The following OC90 variants were observed in gnomAD, a reference collection of about 807,000 sequenced individuals.
OC90 encodes otoconin-90.
In OC90, 46 loss-of-function variants were observed where a neutral mutation model predicts 47.3. The observed-to-expected ratio is 0.97, with a 90% CI of 0.77 to 1.24. The LOEUF (loss-of-function observed/expected upper bound fraction) is 1.24. OC90 is among the 50% of genes most tolerant of loss of function. The pLI is 0.00. For synonymous variants in OC90, 271 were observed against 219.5 expected (o/e 1.23, Z -2.07); for missense variants, 688 against 583.9 (o/e 1.18, Z -1.84).
In OC90 at chr8:132,044,497, TA is replaced by T; in HGVS notation, c.113-9del. The T allele has an allele frequency of 1.3e-6, 2 of 1,510,448 alleles. No individual in the cohort carries two copies. Among genetic ancestry groups the T allele is most frequent in the Non-Finnish European group, 1.8e-6 (2 of 1,103,924 alleles). The allele number at this position is 1,510,448 out of a possible 1,614,324, so 93.6% of individuals were successfully genotyped here. ...CACTGAAGAAAGTGATATCTAAGTG[TA>T]AGAAAGAAAACAAATGAGAGTCTTG... On this transcript the variant is annotated splice_polypyrimidine_tract_variant and intron_variant, in intron 3 of 13. Coordinates refer to ENST00000254627, the MANE Select transcript of OC90 (RefSeq NM_001080399.3).
At position 132,032,393 on chromosome 8, in the gene OC90, C is replaced by A. The variant is rs1221059179; in HGVS notation, c.860-341G>T. On this transcript the variant is annotated intron_variant, in intron 11 of 13. Coordinates refer to ENST00000254627, the MANE Select transcript of OC90 (RefSeq NM_001080399.3). ...GTAGACCTGGCATCCTGGGAGCATC[C>A]CAGCTGAACTCTCATGGTTTCTGGT... Among the ~76,000 whole-genome samples, 4 of 152,076 alleles carry A rather than the reference C, an allele frequency of 2.6e-5. No homozygotes were observed. The South Asian group carries it at 6.2e-4, about 24-fold the overall frequency.
Position 132,045,848 on chromosome 8 carries a change from C to G in OC90, c.82G>C (p.Glu28Gln), listed in dbSNP as rs1194019484. ...TTGTTTGGGAGTCCTGGAGGCAGCT[C>G]CTGTGGAAGATGTGGAGTGTCCAGA... ...HPLDTPHLPQELPPGLPNNIN... is the reference protein window; with the variant it reads ...HPLDTPHLPQQLPPGLPNNIN... Residue 28 changes from glutamate to glutamine, a missense_variant, in exon 3 of 14, where the codon GAG (glutamate) becomes CAG (glutamine). Transcript: ENST00000254627. 4 of 1,547,074 alleles carry G rather than the reference C, an allele frequency of 2.6e-6. No homozygotes were observed. The highest frequency in any genetic ancestry group is 3.5e-6 in the Non-Finnish European group (4 of 1,142,912).
chr8:132,054,676 A>G (rs554290700), intron 2 of OC90, among the ~76,000 whole-genome samples: 8 of 152,374 alleles, frequency 5.3e-5, no homozygotes, highest in African/African-American at 1.4e-4. Flanking sequence ...TTTGAAAGGT[A>G]GGTGTTAACA....
rs1823012107 is a variant in OC90 at position 132,039,026 on chromosome 8, C to T, written c.555G>A (p.Leu185=). 1 of 1,613,786 alleles carries T rather than the reference C, an allele frequency of 6.2e-7. No homozygotes were observed. Among genetic ancestry groups the T allele is most frequent in the Non-Finnish European group, 8.5e-7 (1 of 1,179,872 alleles). Residue 185 remains leucine, a synonymous_variant, in exon 7 of 14, where the codon CTG becomes CTA. Coordinates refer to ENST00000254627, the MANE Select transcript of OC90 (RefSeq NM_001080399.3). Reference sequence around the variant, plus strand: ...TCTGAGCCAGGCAGAAGGAGGTGTCCAGAAGGTTCAGGGAAGAGTTGAGGC... The same window carrying T: ...TCTGAGCCAGGCAGAAGGAGGTGTCTAGAAGGTTCAGGGAAGAGTTGAGGC... ...RSSLNSSLNL[L]DTSFCLAQTP...
At chr8:132,049,952 A>G in intron 2 of OC90, 1 of 461,342 alleles carries the variant, frequency 2.2e-6, no homozygotes, top group Admixed American at 2.0e-5. Context: ...TTTCTGTTGC[A>G]CCATCTCACC....
chr8:132,028,986 C>A, intron 13 of OC90, 87 bp downstream of exon 13: 3 of 892,286 alleles, frequency 3.4e-6, no homozygotes, highest in South Asian at 1.3e-5. Context: ...CAGTTAAGTG[C>A]TTGGGAAACC....
In OC90 at chr8:132,024,578, C is replaced by T. The variant is rs61753627; in HGVS notation, c.1337G>A (p.Ser446Asn). Reference protein sequence around the residue: ...PTLGSSSEEDSEEDPPQEDLG... With the variant: ...PTLGSSSEEDNEEDPPQEDLG... ...GTCCTCCTGTGGAGGGTCCTCCTCG[C>T]TGTCCTCCTCAGAGCTGGAGCCCAG... The change falls in exon 14 of 14, where the codon AGC becomes AAC. Residue 446 changes from serine (S) to asparagine (N), a missense_variant. Transcript: ENST00000254627. 1.9e-6 allele frequency: 3 copies of T among 1,613,270 alleles called. No homozygotes were observed. Among genetic ancestry groups the T allele is most frequent in the Non-Finnish European group, 2.5e-6 (3 of 1,179,582 alleles).
chr8:132,051,709 G>A (rs963727217), intron 2 of OC90, among the ~76,000 whole-genome samples: 11 of 152,140 alleles, frequency 7.2e-5, no homozygotes, highest in Admixed American at 7.2e-4. Context: ...ACTTAAGACC[G>A]AGGACTGTAG....
chr8:132,026,823 A>G (rs1427826849), intron 13 of OC90, among the ~76,000 whole-genome samples: 1 of 152,124 alleles, frequency 6.6e-6, no homozygotes, highest in African/African-American at 2.4e-5. Context: ...ATAGGAAAAA[A>G]TGGAAATGCT....
intron 8 of OC90, 72 bp from the exon 9 acceptor site, chr8:132,037,560 G>A: frequency 7.2e-7 from 1 of 1,386,692 alleles, no homozygotes; most frequent in East Asian, 2.5e-5. Context: ...GGGTCTCAAA[G>A]GAAAACAGGC....
chr8:132,037,572 G>C, intron 8 of OC90, 84 bp from the exon 9 acceptor site: 1 of 1,214,486 alleles, frequency 8.2e-7, no homozygotes, highest in Admixed American at 2.0e-5. Flanking sequence ...AAAACAGGCT[G>C]GTTGCTGGCC....
At chr8:132,035,889 T>C (rs1822951965) in intron 9 of OC90, among the ~76,000 whole-genome samples, 1 of 152,202 alleles carries the variant, frequency 6.6e-6, no homozygotes, top group Non-Finnish European at 1.5e-5. Flanking sequence ...GGGAATGATA[T>C]GCTGGCACAT....
intron 2 of OC90, among the ~76,000 whole-genome samples, chr8:132,046,210 A>C (rs1823131187): frequency 6.6e-6 from 1 of 152,096 alleles, no homozygotes; most frequent in Non-Finnish European, 1.5e-5. Flanking sequence ...TTTGTTTTGG[A>C]CTTTCTTGAC....
chr8:132,050,454 AGATC>A (rs1823196836), intron 2 of OC90, among the ~76,000 whole-genome samples: 3 of 152,152 alleles, frequency 2.0e-5, no homozygotes, highest in South Asian at 2.1e-4. Flanking sequence ...CCTCTAAGTA[AGATC>A]CCAGGGATGT....
intron 13 of OC90, among the ~76,000 whole-genome samples, chr8:132,026,123 T>C (rs1822754151): frequency 6.6e-6 from 1 of 152,362 alleles, no homozygotes; most frequent in African/African-American, 2.4e-5. Context: ...CTGGGCATCA[T>C]GTATTTTTAT....
At chr8:132,032,890 C>A (rs916536921) in intron 11 of OC90, 149 bp downstream of exon 11, 6 of 895,846 alleles carry the variant, frequency 6.7e-6, no homozygotes, top group Non-Finnish European at 8.2e-6. Context: ...TCCTCTGAGC[C>A]TCAAGGTGCT....
chr8:132,041,534 T>A lies in OC90; in HGVS notation c.335A>T (p.Glu112Val). The A allele has an allele frequency of 6.2e-7, 1 of 1,611,032 alleles. No individual in the cohort carries two copies. The highest frequency in any genetic ancestry group is 8.5e-7 in the Non-Finnish European group (1 of 1,178,622). Residue 112 changes from glutamate to valine, a missense_variant, in exon 5 of 14, where the codon GAA becomes GTA. Coordinates refer to ENST00000254627, the MANE Select transcript of OC90 (RefSeq NM_001080399.3). Reference sequence around the variant, plus strand: ...TGTGGAACTCACTTACCTGTCAGATTCATCCACAGGCAACCCTTCCATCTC... The same window carrying A: ...TGTGGAACTCACTTACCTGTCAGATACATCCACAGGCAACCCTTCCATCTC... ...RFEMEGLPVDESDSCCFQHRR... is the reference protein window; with the variant it reads ...RFEMEGLPVDVSDSCCFQHRR...
At position 132,029,080 on chromosome 8, in the gene OC90, C is replaced by T. The variant is rs765844093; in HGVS notation, c.1131G>A (p.Thr377=). Residue 377 remains threonine (T), a synonymous_variant, in exon 13 of 14, where the codon ACG becomes ACA. Transcript: ENST00000254627. ...GCAACCAACAGCACTTACACTTGGG[C>T]GTATGATCCACACACACCACCGGTG... ...PWSPVVCVDH[T]PKCGGQSLCE... is the part of the protein sequence containing the mutation. 55 of 1,608,504 alleles carry T rather than the reference C, an allele frequency of 3.4e-5. No individual in the cohort carries two copies. Among genetic ancestry groups the T allele is most frequent in the South Asian group, 6.6e-5 (6 of 91,016 alleles).
At position 132,034,798 on chromosome 8, in the gene OC90, C is replaced by T. The variant is rs1437548919; in HGVS notation, c.716G>A (p.Arg239Lys). 2 of 1,612,660 alleles carry T rather than the reference C, an allele frequency of 1.2e-6. No individual in the cohort carries two copies. The highest frequency in any genetic ancestry group is 2.2e-5 in the East Asian group (1 of 44,818). Reference protein sequence around the residue: ...GHDQEGVGAARATSPPGSAEI... With the variant: ...GHDQEGVGAAKATSPPGSAEI... ...AGGCTTACCTGGAGGGGACGTAGCC[C>T]TAGCAGCTCCCACTCCTTCCTGATC... is the stretch of plus-strand genomic sequence containing the variant. The change falls in exon 10 of 14, where the codon AGG becomes AAG. Residue 239 changes from arginine (R) to lysine (K), a missense_variant. By Grantham distance (26) the Arg-to-Lys change is conservative (BLOSUM62 2). Transcript: ENST00000254627.
Sources: allele counts gnomAD v4.1 joint callset (sites outside exome capture counted in the v4.1 genomes callset), GRCh38; gene constraint gnomAD v4.1.1; transcripts MANE v1.5; gene names NCBI Gene and HGNC (gene_info 2026-07-23, HGNC 2026-07-21).